Variants in MBD5 observed in about 807,000 individuals in gnomAD.
MBD5 encodes methyl-CpG-binding domain protein 5.
Under a neutral mutation model 117.3 loss-of-function variants are expected in MBD5, and 13 were observed. The observed-to-expected ratio is 0.11, with a 90% CI of 0.07 to 0.18. The LOEUF (loss-of-function observed/expected upper bound fraction) is 0.18, where lower values mean the gene tolerates loss of function less well. Among genes scored for constraint, MBD5 ranks in the 10% least tolerant of loss-of-function variants. The probability of loss-of-function intolerance (pLI) is 1.00; values close to 1 mark genes in which losing one functional copy is unlikely to be tolerated. For synonymous variants in MBD5, 727 were observed against 766.4 expected, an observed-to-expected ratio of 0.95 and a Z score of 0.85; for missense variants, 1,879 against 2,093.8, an observed-to-expected ratio of 0.90 and a Z score of 2.00.
chr2:148,276,032 C>T (rs1235027852), intron 3 of MBD5, among the ~76,000 whole-genome samples: 1 of 151,814 alleles, frequency 6.6e-6, no homozygotes, highest in African/African-American at 2.4e-5. Context: ...TTAACGTTGG[C>T]CAAGCATGGT....
chr2:148,188,925 C>T (rs1346670513), intron 2 of MBD5, among the ~76,000 whole-genome samples: 9 of 151,670 alleles, frequency 5.9e-5, no homozygotes, highest in Admixed American at 4.6e-4. Flanking sequence ...CGAAGCAGGG[C>T]GAGACATTGC....
rs58961481 is a variant in MBD5 at position 148,294,501 on chromosome 2, G to GTTTTTTTTTTTTTTTTTTTTTTT, written c.-679-47693_-679-47692insTTTTTTTTTTTTTTTTTTTTTTT. ...GGCCTCCCAAAGTGCTGGGATTACA[G>GTTTTTTTTTTTTTTTTTTTTTTT]TTTTTTTTTTTTTTTTTTTTGAGAT... On this transcript the variant is annotated intron_variant, in intron 3 of 13. Transcript: ENST00000642680. 2.0e-4 allele frequency among the ~76,000 whole-genome samples: 23 copies of GTTTTTTTTTTTTTTTTTTTTTTT among 113,260 alleles called. 1 individual carries two copies. The highest frequency in any genetic ancestry group is 8.1e-4 in the African/African-American group (22 of 27,298). 74.3% of individuals were successfully genotyped at this position (113,260 alleles called of 152,430 possible). A position where few individuals can be genotyped will look rare whatever the true frequency, so the allele number is the denominator to read the frequency against.
At chr2:148,500,883 G>C (rs1032290660) in intron 11 of MBD5, among the ~76,000 whole-genome samples, 1 of 152,160 alleles carries the variant, frequency 6.6e-6, no homozygotes, top group African/African-American at 2.4e-5. Context: ...TTTCTAACAT[G>C]AAATATGAAA....
intron 3 of MBD5, among the ~76,000 whole-genome samples, chr2:148,259,991 G>T (rs1439781156): frequency 1.3e-5 from 2 of 152,210 alleles, no homozygotes; most frequent in South Asian, 2.1e-4. Context: ...TTAGCGAGGG[G>T]TTTAGCCTCA....
intron 8 of MBD5, 150 bp from the exon 9 acceptor site, chr2:148,482,960 G>A (rs1166770023): frequency 4.8e-6 from 4 of 828,712 alleles, no homozygotes; most frequent in African/African-American, 1.7e-5. Context: ...CAGATGTCAA[G>A]TGATCTGATT....
chr2:148,107,588 C>T (rs568721842), intron 1 of MBD5, among the ~76,000 whole-genome samples: 4 of 152,016 alleles, frequency 2.6e-5, no homozygotes, highest in Non-Finnish European at 5.9e-5. Flanking sequence ...TTCTAATTCT[C>T]TTTTCAGCTA....
At chr2:148,471,851 C>T (rs1288595044) in intron 8 of MBD5, 2 of 152,032 alleles carry the variant, frequency 1.3e-5, no homozygotes, top group Admixed American at 6.6e-5. Flanking sequence ...GCTTTTCACT[C>T]ACTCATCATA....
At chr2:148,299,604 C>T (rs1447028269) in intron 3 of MBD5, among the ~76,000 whole-genome samples, 1 of 152,146 alleles carries the variant, frequency 6.6e-6, no homozygotes, top group East Asian at 1.9e-4. Context: ...CCTTCAGGTG[C>T]CTGCATATAA....
intron 3 of MBD5, among the ~76,000 whole-genome samples, chr2:148,251,259 T>G (rs1700457702): frequency 6.6e-6 from 1 of 152,204 alleles, no homozygotes; most frequent in Non-Finnish European, 1.5e-5. Context: ...TCCATTCGAC[T>G]CGAGAAATAC....
At chr2:148,278,684 T>C (rs1701170952) in intron 3 of MBD5, among the ~76,000 whole-genome samples, 1 of 152,136 alleles carries the variant, frequency 6.6e-6, no homozygotes, top group Admixed American at 6.5e-5. Flanking sequence ...TCTAGAGGTA[T>C]GTGAAAAGGG....
intron 1 of MBD5, among the ~76,000 whole-genome samples, chr2:148,150,359 TGAAGTC>T (rs1275467474): frequency 1.3e-5 from 2 of 151,362 alleles, no homozygotes; most frequent in African/African-American, 4.8e-5. Context: ...TAGTATAGTT[TGAAGTC>T]AGGTAGTGTG....
At chr2:148,272,754 T>A (rs1041686420) in intron 3 of MBD5, among the ~76,000 whole-genome samples, 6 of 152,204 alleles carry the variant, frequency 3.9e-5, no homozygotes, top group Admixed American at 2.0e-4. Flanking sequence ...CTCTATTGTT[T>A]CTTTTGCTGT....
chr2:148,326,354 G>A (rs1314780034), intron 3 of MBD5, among the ~76,000 whole-genome samples: 23 of 152,108 alleles, frequency 1.5e-4, no homozygotes, highest in Non-Finnish European at 2.4e-4. Flanking sequence ...TATTAGGTCC[G>A]CTTGGTGCAG....
At chr2:148,152,202 G>A (rs1697695192) in intron 1 of MBD5, among the ~76,000 whole-genome samples, 1 of 152,178 alleles carries the variant, frequency 6.6e-6, no homozygotes, top group South Asian at 2.1e-4. Context: ...TATGTACCCA[G>A]TAGTCATTCA....
intron 3 of MBD5, among the ~76,000 whole-genome samples, chr2:148,336,040 A>G (rs1702778721): frequency 6.6e-6 from 1 of 152,202 alleles, no homozygotes; most frequent in African/African-American, 2.4e-5. Flanking sequence ...TGGGACTGCA[A>G]TAAAGGTCCC....
At chr2:148,367,339 A>C (rs1324519866) in intron 4 of MBD5, among the ~76,000 whole-genome samples, 1 of 152,218 alleles carries the variant, frequency 6.6e-6, no homozygotes, top group African/African-American at 2.4e-5. Context: ...AGATGGATTA[A>C]AGACTTAAAC....
intron 4 of MBD5, among the ~76,000 whole-genome samples, chr2:148,403,862 T>C (rs1452005058): frequency 1.3e-5 from 2 of 152,176 alleles, no homozygotes; most frequent in Non-Finnish European, 2.9e-5. Context: ...TCACTTATGT[T>C]ACCCACCTCT....
intron 1 of MBD5, among the ~76,000 whole-genome samples, chr2:148,161,525 A>G (rs931803397): frequency 6.6e-6 from 1 of 152,196 alleles, no homozygotes; most frequent in Non-Finnish European, 1.5e-5. Context: ...GGATCCTCCA[A>G]ATGACTTTAA....
At chr2:148,476,591 C>A (rs1680972670) in intron 8 of MBD5, among the ~76,000 whole-genome samples, 1 of 152,128 alleles carries the variant, frequency 6.6e-6, no homozygotes, top group African/African-American at 2.4e-5. Flanking sequence ...TTGTCCTTTA[C>A]ATTTCCTTTT....
Sources: gnomAD v4.1 joint callset for allele counts (sites outside exome capture counted in the v4.1 genomes callset) on GRCh38, gnomAD v4.1.1 for gene constraint, MANE v1.5 for transcripts, NCBI Gene and HGNC (gene_info 2026-07-23, HGNC 2026-07-21) for gene names.